The following DPF1 variants were observed in gnomAD, a reference collection of about 807,000 sequenced individuals.
DPF1 encodes zinc finger protein neuro-d4.
Under a neutral mutation model 58.7 loss-of-function variants are expected in DPF1, and 14 were observed. That is an observed-to-expected ratio of 0.24 (90% confidence interval 0.16 to 0.37). DPF1 has a LOEUF of 0.37. DPF1 is among the 10% of genes least tolerant of loss of function. DPF1 has a pLI of 1.00. For synonymous variants in DPF1, 216 were observed against 216.0 expected (o/e 1.00, Z 0.00); for missense variants, 345 against 529.9 (o/e 0.65, Z 3.43).
intron 3 of DPF1, among the ~76,000 whole-genome samples, chr19:38,221,614 A>G (rs1967480344): frequency 6.6e-6 from 1 of 151,484 alleles, no homozygotes; most frequent in African/African-American, 2.4e-5. Flanking sequence ...AACTCCATAC[A>G]CCCACACACA....
upstream of DPF1, among the ~76,000 whole-genome samples, chr19:38,226,428 C>A (rs1967822266): frequency 6.6e-6 from 1 of 150,752 alleles, no homozygotes; most frequent in South Asian, 2.1e-4. Context: ...GCCCGCTAGC[C>A]TTCACCATTT....
chr19:38,220,226 GAGAA>G lies in DPF1; in HGVS notation c.299-1172_299-1169del, dbSNP rs763780575. 3.6e-4 allele frequency among the ~76,000 whole-genome samples: 52 copies of G among 144,054 alleles called. 1 individual carries two copies. Among genetic ancestry groups the G allele is most frequent in the African/African-American group, 7.7e-4 (30 of 38,960 alleles). 94.5% of individuals were successfully genotyped at this position (144,054 alleles called of 152,430 possible). A position where few individuals can be genotyped will look rare whatever the true frequency, so the allele number is the denominator to read the frequency against. ...GGGAAAGAAAAGAAAAAGAAAGAGA[GAGAA>G]AGAAAGAAAGAAGGAAGGAAAGAAA... On this transcript the variant is annotated intron_variant, in intron 3 of 11. Coordinates refer to ENST00000355526, the MANE Select transcript of DPF1 (RefSeq NM_001135155.3).
intron 9 of DPF1, among the ~76,000 whole-genome samples, chr19:38,214,765 C>T (rs1313487179): frequency 6.6e-6 from 1 of 152,014 alleles, no homozygotes; most frequent in Non-Finnish European, 1.5e-5. Flanking sequence ...CTCCCAGGCT[C>T]CAGCGATCCT....
At chr19:38,213,805 G>C in intron 9 of DPF1, 49 bp from the exon 10 acceptor site, 2 of 1,499,254 alleles carry the variant, frequency 1.3e-6, no homozygotes, top group Non-Finnish European at 1.8e-6. Flanking sequence ...CGTGCCCCTG[G>C]TGGGCACTGA....
At chr19:38,225,436 G>C (rs191828876), upstream of DPF1, among the ~76,000 whole-genome samples, 1 of 152,046 alleles carries the variant, frequency 6.6e-6, no homozygotes, top group African/African-American at 2.4e-5. Context: ...GGGCATGATG[G>C]CGCAGCAGTG....
At position 38,222,418 on chromosome 19, in the gene DPF1, C is replaced by T. The variant is rs774580084; in HGVS notation, c.237G>A (p.Arg79=). The change falls in exon 3 of 12, where the codon AGG becomes AGA. Residue 79 remains arginine, a synonymous_variant. Transcript: ENST00000355526. This position sits in a 1 kb window ranked among gnomAD's most constrained non-coding sequence, Gnocchi z 4.9. ...CCAGGATGTTGAGTCTCCGTTTCTT[C>T]CTCCAACAGCGGGCGGGGTACGTGT... The part of the protein sequence containing the change: ...QIYTYPARCW[R]KKRRLNILED... 8 of 1,587,322 alleles carry T rather than the reference C, an allele frequency of 5.0e-6. No homozygotes were observed. The highest frequency in any genetic ancestry group is 6.8e-6 in the Non-Finnish European group (8 of 1,172,834).
chr19:38,212,303 G>T lies in DPF1; in HGVS notation c.1070C>A (p.Pro357His). 1 of 1,531,152 alleles carries T rather than the reference G, an allele frequency of 6.5e-7. No homozygotes were observed. 94.8% of individuals were successfully genotyped at this position (1,531,152 alleles called of 1,614,324 possible). A position where few individuals can be genotyped will look rare whatever the true frequency, so the allele number is the denominator to read the frequency against. The stretch of plus-strand genomic sequence containing the variant: ...ACCTTCCGGGGGCTCCGCCATGGGG[G>T]GACTCAGGCAGTACATGTGGTAACC... ...DRGYHMYCLS[P>H]PMAEPPEGSW... is the part of the protein sequence containing the mutation. The change falls in exon 11 of 12, where the codon CCC (proline) becomes CAC (histidine). Residue 357 changes from proline to histidine, a missense_variant. Pro to His is a moderately conservative substitution (Grantham distance 77, BLOSUM62 -2). Transcript: ENST00000355526.
rs1973470892 is a variant in DPF1, at chr19:38,212,079, T to G, written c.1148A>C (p.Tyr383Ser). ...LRHLKEKASA[Y>S]ITLT ...CGAGCCGGCCTAGGTGAGGGTGATG[T>G]AAGCAGAAGCCTTTTCCTTCAGGTG... Residue 383 changes from tyrosine (Y) to serine (S), a missense_variant, in exon 12 of 12, where the codon TAC becomes TCC. By Grantham distance (144) the Tyr-to-Ser change is moderately radical. Coordinates refer to ENST00000355526, the MANE Select transcript of DPF1 (RefSeq NM_001135155.3). 2.5e-6 allele frequency: 4 copies of G among 1,612,262 alleles called. No homozygotes were observed. Among genetic ancestry groups the G allele is most frequent in the Non-Finnish European group, 3.4e-6 (4 of 1,179,682 alleles).
At position 38,224,102 on chromosome 19, in the gene DPF1, G is replaced by T; in HGVS notation, c.29+12C>A. On this transcript the variant is annotated intron_variant, in intron 1 of 11. Transcript: ENST00000355526. The surrounding 1 kb of genome is among the most constrained non-coding windows in gnomAD (Gnocchi z 4.5). ...CCGCGCTTCCTCTCCGCCTCCCGCC[G>T]GCCCGCACCACCTCAGGGGGCCAGG... The T allele has an allele frequency of 6.7e-7, 1 of 1,498,368 alleles. No individual in the cohort carries two copies. 92.8% of individuals were successfully genotyped at this position (1,498,368 alleles called of 1,614,324 possible).
At chr19:38,219,163 G>A (rs765409432) in intron 3 of DPF1, 105 bp from the exon 4 acceptor site, 142 of 1,502,112 alleles carry the variant, frequency 9.5e-5, no homozygotes, top group Non-Finnish European at 1.1e-4. Flanking sequence ...GGAAGAGGCT[G>A]CAGAGGCAAG....
At chr19:38,216,081 C>A in intron 9 of DPF1, 59 bp downstream of exon 9, 1 of 1,559,486 alleles carries the variant, frequency 6.4e-7, no homozygotes, top group South Asian at 1.2e-5. Context: ...CCCTCCAGGT[C>A]TGCACTCCTG....
At position 38,218,626 on chromosome 19, in the gene DPF1, C is replaced by T. The variant is rs1325970784; in HGVS notation, c.463G>A (p.Val155Met). The change falls in exon 5 of 12, where the codon GTG becomes ATG. Residue 155 changes from valine to methionine, a missense_variant. Coordinates refer to ENST00000355526, the MANE Select transcript of DPF1 (RefSeq NM_001135155.3). ...QLLEFPHDLE[V>M]EDLEDDIPRR... ...GGAATGTCATCCTCCAAGTCTTCCACCTCGAGGTCATGCGGAAACTCCAGC... is the reference window on the plus strand; with the variant it reads ...GGAATGTCATCCTCCAAGTCTTCCATCTCGAGGTCATGCGGAAACTCCAGC... 6.8e-6 allele frequency: 11 copies of T among 1,614,078 alleles called. No homozygotes were observed. The highest frequency in any genetic ancestry group is 9.3e-6 in the Non-Finnish European group (11 of 1,180,052).
At position 38,216,031 on chromosome 19, in the gene DPF1, A is replaced by G. The variant is rs1966989029; in HGVS notation, c.898+109T>C. 3.4e-6 allele frequency: 5 copies of G among 1,491,378 alleles called. No homozygotes were observed. The Admixed American group carries it at 8.7e-5, about 26-fold the overall frequency. The allele number at this position is 1,491,378 out of a possible 1,614,324, so 92.4% of individuals were successfully genotyped here. A position where few individuals can be genotyped will look rare whatever the true frequency, so the allele number is the denominator to read the frequency against. Reference sequence around the variant, plus strand: ...TCTGGTTATCCACAGTATCCCCTACATGCTCCGGGTCCCCTCGGTCCTCAC... The same window carrying G: ...TCTGGTTATCCACAGTATCCCCTACGTGCTCCGGGTCCCCTCGGTCCTCAC... On this transcript the variant is annotated intron_variant, in intron 9 of 11. Transcript: ENST00000355526.
At chr19:38,224,304 A>T, upstream of DPF1, 1 of 1,261,766 alleles carries the variant, frequency 7.9e-7, no homozygotes, top group Non-Finnish European at 1.0e-6. The surrounding 1 kb of genome is among the most constrained non-coding windows in gnomAD (Gnocchi z 4.5). Flanking sequence ...CCATGCTGGG[A>T]GTGGTAGTCC....
chr19:38,222,266 A>G lies in DPF1; in HGVS notation c.298+91T>C. The G allele has an allele frequency of 5.3e-6, 6 of 1,139,018 alleles. No homozygotes were observed. In the South Asian group the frequency reaches 8.3e-5, roughly 16 times the overall value. The allele number at this position is 1,139,018 out of a possible 1,614,324, so 70.6% of individuals were successfully genotyped here. A position where few individuals can be genotyped will look rare whatever the true frequency, so the allele number is the denominator to read the frequency against. ...CAGACACACAGCCAGCCAGGCAGAC[A>G]CTTGCTAGAAGGCGATAAAGGTGAT... On this transcript the variant is annotated intron_variant, in intron 3 of 11. Coordinates refer to ENST00000355526, the MANE Select transcript of DPF1 (RefSeq NM_001135155.3). This position sits in a 1 kb window ranked among gnomAD's most constrained non-coding sequence, Gnocchi z 4.9.
chr19:38,218,460 T>C (rs750372963), intron 5 of DPF1, 113 bp downstream of exon 5: 2 of 1,107,608 alleles, frequency 1.8e-6, no homozygotes, highest in Non-Finnish European at 2.7e-6. Context: ...CTCTGGGGAT[T>C]CAATGAGGTC....
At chr19:38,226,452 TCCC>T (rs1967823395), upstream of DPF1, among the ~76,000 whole-genome samples, 14 of 145,228 alleles carry the variant, frequency 9.6e-5, no homozygotes, top group South Asian at 2.9e-3. Flanking sequence ...TCACTTGAAA[TCCC>T]CCCAAGAGAG....
chr19:38,216,015 C>T (rs1966988336), intron 9 of DPF1, 125 bp downstream of exon 9: 2 of 1,457,212 alleles, frequency 1.4e-6, no homozygotes. Context: ...CTCTGGTTAT[C>T]CACAGTATCC....
chr19:38,229,285 G>A lies in DPF1; in HGVS notation c.-132+274C>T, dbSNP rs888425584. Among the ~76,000 whole-genome samples, 1 of 152,186 alleles carries A rather than the reference G, an allele frequency of 6.6e-6. No individual in the cohort carries two copies. Among genetic ancestry groups the A allele is most frequent in the Admixed American group, 6.5e-5 (1 of 15,296 alleles). ...GAGGGAAACCCCTACCCCCACTCTG[G>A]GTGGGGAAACGGCCTCCGCCACCCC... is the stretch of plus-strand genomic sequence containing the variant. On this transcript the variant is annotated intron_variant, in intron 1 of 11. Coordinates refer to the DPF1 transcript ENST00000412732. This position sits in a 1 kb window ranked among gnomAD's most constrained non-coding sequence, Gnocchi z 5.3.
Sources: gnomAD v4.1 joint callset for allele counts (sites outside exome capture counted in the v4.1 genomes callset) on GRCh38, gnomAD v4.1.1 for gene constraint, Gnocchi (gnomAD v3.1) non-coding constraint, MANE v1.5 for transcripts, NCBI Gene and HGNC (gene_info 2026-07-23, HGNC 2026-07-21) for gene names.